The following ANKRD31 variants were observed in gnomAD, a reference collection of about 807,000 sequenced individuals.
ANKRD31 encodes the protein ankyrin repeat domain 31.
A neutral mutation model predicts 186.0 loss-of-function variants in ANKRD31; 147 were observed. The ratio of observed to expected loss-of-function variants is 0.79; its 90% confidence interval spans 0.69 to 0.91. ANKRD31 has a LOEUF of 0.91. ANKRD31 is among the 40% of genes least tolerant of loss of function. ANKRD31 has a pLI of 0.00. For synonymous variants in ANKRD31, 673 were observed against 736.4 expected, an observed-to-expected ratio of 0.91 and a Z score of 1.39; for missense variants, 1,986 against 2,148.8, an observed-to-expected ratio of 0.92 and a Z score of 1.50.
intron 23 of ANKRD31, among the ~76,000 whole-genome samples, chr5:75,087,446 G>T (rs1360183689): frequency 6.6e-6 from 1 of 152,106 alleles, no homozygotes; most frequent in Admixed American, 6.6e-5. Context: ...GGCAGACGCT[G>T]CAGCGAGCTG....
chr5:75,185,444 G>A (rs774109113), intron 10 of ANKRD31, among the ~76,000 whole-genome samples: 2 of 152,172 alleles, frequency 1.3e-5, no homozygotes, highest in Non-Finnish European at 2.9e-5. Flanking sequence ...TGTAATCCCA[G>A]CTACTCAGGT....
rs561823895 is a variant in ANKRD31 at position 75,183,540 on chromosome 5, G to A, written c.1564+4953C>T. ...GCCCTAAAGACTTCACTAAAAAACT[G>A]TAAGAACTAATAAAGTCAATAAGCT... On this transcript the variant is annotated intron_variant, in intron 10 of 25. Coordinates refer to ENST00000506364, the MANE Select transcript of ANKRD31 (RefSeq NM_001372053.1). Among the ~76,000 whole-genome samples, 565 of 152,144 alleles carry A rather than the reference G, an allele frequency of 3.7e-3. 1 individual carries two copies. Among genetic ancestry groups the A allele is most frequent in the Middle Eastern group, 6.8e-3 (2 of 294 alleles).
At chr5:75,141,465 C>A (rs1751042750) in intron 15 of ANKRD31, among the ~76,000 whole-genome samples, 5 of 151,882 alleles carry the variant, frequency 3.3e-5, no homozygotes, top group Admixed American at 3.3e-4. Context: ...GGGCACAGTG[C>A]CTCACACTTG....
intron 11 of ANKRD31, among the ~76,000 whole-genome samples, chr5:75,160,605 A>C (rs1752507492): frequency 6.6e-6 from 1 of 152,170 alleles, no homozygotes; most frequent in Non-Finnish European, 1.5e-5. Context: ...AAAGATAACA[A>C]ACAAGATGAA....
At chr5:75,099,974 T>G (rs577169767) in intron 22 of ANKRD31, among the ~76,000 whole-genome samples, 16 of 152,266 alleles carry the variant, frequency 1.1e-4, no homozygotes, top group East Asian at 3.9e-4. Context: ...GCTTTTGAAT[T>G]TGTTTGCTCT....
At chr5:75,131,364 C>A (rs1284152414) in intron 17 of ANKRD31, among the ~76,000 whole-genome samples, 3 of 152,128 alleles carry the variant, frequency 2.0e-5, no homozygotes, top group Non-Finnish European at 4.4e-5. Context: ...GAGATTATAT[C>A]CTGTGCATGG....
intron 23 of ANKRD31, among the ~76,000 whole-genome samples, chr5:75,087,853 T>G (rs938808134): frequency 6.6e-6 from 1 of 152,198 alleles, no homozygotes; most frequent in African/African-American, 2.4e-5. Flanking sequence ...ATGGAAATGA[T>G]GATGCAGGTA....
chr5:75,093,696 CT>C (rs1400313463), intron 22 of ANKRD31, among the ~76,000 whole-genome samples: 4 of 152,142 alleles, frequency 2.6e-5, no homozygotes, highest in Non-Finnish European at 5.9e-5. Context: ...AGATTAACAG[CT>C]GTGTTATTAT....
chr5:75,220,413 G>A (rs1757214417), intron 3 of ANKRD31, among the ~76,000 whole-genome samples: 1 of 152,162 alleles, frequency 6.6e-6, no homozygotes, highest in African/African-American at 2.4e-5. Context: ...GCTGAGGCGG[G>A]TGGATCACCT....
intron 17 of ANKRD31, among the ~76,000 whole-genome samples, chr5:75,124,974 T>A (rs550146176): frequency 1.3e-5 from 2 of 152,284 alleles, no homozygotes; most frequent in South Asian, 4.1e-4. Context: ...TATACAAATA[T>A]ATTAAAAAAG....
rs1305085811 is a variant in ANKRD31 at position 75,123,891 on chromosome 5, C to T, written c.3877-5594G>A. On this transcript the variant is annotated intron_variant, in intron 17 of 25. Transcript: ENST00000506364. ...TGTCTAGGCAAAGAATTCATAAGAC[C>T]TTGAAACCATAAGCAACGAAAACAA... Among the ~76,000 whole-genome samples the T allele has an allele frequency of 2.0e-5, 3 of 151,930 alleles. No individual in the cohort carries two copies. In the South Asian group the frequency reaches 6.2e-4, roughly 32 times the overall value.
At chr5:75,180,770 C>T (rs2150217872) in intron 10 of ANKRD31, among the ~76,000 whole-genome samples, 1 of 152,120 alleles carries the variant, frequency 6.6e-6, no homozygotes, top group Non-Finnish European at 1.5e-5. Flanking sequence ...GACCTAAAAC[C>T]ATAAAAACCC....
chr5:75,108,330 T>C (rs1331387526), intron 20 of ANKRD31, among the ~76,000 whole-genome samples: 1 of 152,010 alleles, frequency 6.6e-6, no homozygotes, highest in Non-Finnish European at 1.5e-5. Flanking sequence ...ACCATTACAA[T>C]AATTACTTAA....
intron 15 of ANKRD31, among the ~76,000 whole-genome samples, chr5:75,143,559 C>A (rs1751206861): frequency 6.6e-6 from 1 of 152,094 alleles, no homozygotes; most frequent in African/African-American, 2.4e-5. Context: ...ACAGAACTAT[C>A]TCCAAGAACT....
At chr5:75,202,864 A>G (rs988974069) in intron 5 of ANKRD31, among the ~76,000 whole-genome samples, 3 of 152,218 alleles carry the variant, frequency 2.0e-5, no homozygotes, top group Admixed American at 2.0e-4. Context: ...AGAACTACCA[A>G]TTCTAAGGAT....
At position 75,222,277 on chromosome 5, in the gene ANKRD31, G is replaced by C. The variant is rs957100424; in HGVS notation, c.260C>G (p.Pro87Arg). Residue 87 changes from proline (P) to arginine (R), a missense_variant, in exon 3 of 26, where the codon CCT becomes CGT. Coordinates refer to ENST00000506364, the MANE Select transcript of ANKRD31 (RefSeq NM_001372053.1). ...TAATATTGTATCCTCGCTAAGAACA[G>C]GCATCATCTTATTTTTATTCATTTG... ...QEQMNKNKMM[P>R]VLSEDTILQS... 70 of 1,536,336 alleles carry C rather than the reference G, an allele frequency of 4.6e-5. No individual in the cohort carries two copies. Among genetic ancestry groups the C allele is most frequent in the Non-Finnish European group, 5.9e-5 (68 of 1,146,292 alleles).
intron 24 of ANKRD31, among the ~76,000 whole-genome samples, chr5:75,084,028 AGCTGAGT>A (rs1203154741): frequency 6.6e-6 from 1 of 152,224 alleles, no homozygotes. Context: ...GGGAAACAAC[AGCTGAGT>A]GGGTACAGGG....
intron 22 of ANKRD31, among the ~76,000 whole-genome samples, chr5:75,097,095 T>C (rs1211887459): frequency 6.6e-6 from 1 of 152,230 alleles, no homozygotes; most frequent in Non-Finnish European, 1.5e-5. Context: ...GTCTTTGCTA[T>C]TGTGAATAGT....
chr5:75,182,207 C>T (rs1319852915), intron 10 of ANKRD31, among the ~76,000 whole-genome samples: 2 of 152,062 alleles, frequency 1.3e-5, no homozygotes, highest in African/African-American at 2.4e-5. Flanking sequence ...GAATTCATTG[C>T]TGTTTAGGTT....
Sources: gnomAD v4.1 joint callset for allele counts (sites outside exome capture counted in the v4.1 genomes callset) on GRCh38, gnomAD v4.1.1 for gene constraint, MANE v1.5 for transcripts, NCBI Gene and HGNC (gene_info 2026-07-23, HGNC 2026-07-21) for gene names.